The following DAAM1 variants were observed in gnomAD, a reference collection of about 807,000 sequenced individuals.
DAAM1 encodes the protein dishevelled associated activator of morphogenesis 1.
A neutral mutation model predicts 130.0 loss-of-function variants in DAAM1; 52 were observed. That is an observed-to-expected ratio of 0.40 (90% CI 0.32 to 0.50). The LOEUF (loss-of-function observed/expected upper bound fraction) is 0.50, where lower values mean the gene tolerates loss of function less well. Ranked by LOEUF, DAAM1 falls within the 20% of genes least tolerant of loss-of-function variation. The pLI is 0.61. For synonymous variants in DAAM1, 452 were observed against 444.5 expected (o/e 1.02, Z -0.21); for missense variants, 1,134 against 1,303.8 (o/e 0.87, Z 2.01).
chr14:59,257,721 C>T (rs1881970661), intron 1 of DAAM1, among the ~76,000 whole-genome samples: 1 of 152,164 alleles, frequency 6.6e-6, no homozygotes, highest in Admixed American at 6.5e-5. Context: ...ACCCTGCCAT[C>T]TTCAGCCTCT....
chr14:59,277,890 T>G (rs1220587789), intron 2 of DAAM1, among the ~76,000 whole-genome samples: 2 of 152,162 alleles, frequency 1.3e-5, no homozygotes, highest in Non-Finnish European at 2.9e-5. Flanking sequence ...AGTCCTCCCT[T>G]ACCAGCAGGG....
chr14:59,209,531 C>T (rs993088777), intron 1 of DAAM1, among the ~76,000 whole-genome samples: 1 of 152,146 alleles, frequency 6.6e-6, no homozygotes, highest in African/African-American at 2.4e-5. Flanking sequence ...ACTTTGAATA[C>T]CCATACAACC....
intron 3 of DAAM1, among the ~76,000 whole-genome samples, chr14:59,308,359 G>C (rs1253498403): frequency 6.6e-6 from 1 of 152,118 alleles, no homozygotes; most frequent in Non-Finnish European, 1.5e-5. Flanking sequence ...GATTTGGGGA[G>C]GATATAATCA....
chr14:59,325,571 G>A, intron 8 of DAAM1, 93 bp from the exon 9 acceptor site: 4 of 1,099,344 alleles, frequency 3.6e-6, no homozygotes, highest in Non-Finnish European at 5.3e-6. Flanking sequence ...TCTCTGAAAA[G>A]TCAGGAAAAA....
intron 3 of DAAM1, among the ~76,000 whole-genome samples, chr14:59,296,175 A>G (rs2139573914): frequency 6.6e-6 from 1 of 152,354 alleles, no homozygotes; most frequent in South Asian, 2.1e-4. Context: ...TAAAGGCTAT[A>G]TAAGGGAAGC....
intron 12 of DAAM1, among the ~76,000 whole-genome samples, chr14:59,330,197 A>G (rs948261278): frequency 1.3e-5 from 2 of 152,198 alleles, no homozygotes; most frequent in African/African-American, 4.8e-5. Context: ...CAACTACCAA[A>G]CAGTTACCAT....
At chr14:59,326,785 T>C in intron 11 of DAAM1, 137 bp downstream of exon 11, 3 of 1,495,690 alleles carry the variant, frequency 2.0e-6, no homozygotes. Context: ...ACATGCACTA[T>C]AGCTAAGTAA....
intron 2 of DAAM1, among the ~76,000 whole-genome samples, chr14:59,285,002 T>C (rs1883379307): frequency 6.6e-6 from 1 of 152,012 alleles, no homozygotes; most frequent in South Asian, 2.1e-4. Context: ...CTAAGACACA[T>C]AGTCATCAGA....
Position 59,278,372 on chromosome 14 carries a change from C to T in DAAM1, c.184-12845C>T, listed in dbSNP as rs78622893. On this transcript the variant is annotated intron_variant, in intron 2 of 24. Transcript: ENST00000360909. The stretch of plus-strand genomic sequence containing the variant: ...AAGGAATGTATACAGCCTGAATATG[C>T]TGGACAAAGGGTGATTCATGGCCTG... Among the ~76,000 whole-genome samples, 191 of 152,226 alleles carry T rather than the reference C, an allele frequency of 1.3e-3. 1 individual carries two copies. In the East Asian group the frequency reaches 0.024, roughly 19 times the overall value.
At chr14:59,234,067 T>C (rs1336198500) in intron 1 of DAAM1, among the ~76,000 whole-genome samples, 1 of 152,218 alleles carries the variant, frequency 6.6e-6, no homozygotes, top group Non-Finnish European at 1.5e-5. Context: ...GGTAGCATGA[T>C]GCCTCCAGCT....
At chr14:59,230,665 C>T (rs993486539) in intron 1 of DAAM1, among the ~76,000 whole-genome samples, 1 of 150,118 alleles carries the variant, frequency 6.7e-6, no homozygotes, top group Non-Finnish European at 1.5e-5. Context: ...TGAATGAGAC[C>T]TACTATTTGA....
chr14:59,336,784 T>C (rs986514024), intron 15 of DAAM1, among the ~76,000 whole-genome samples: 26 of 152,144 alleles, frequency 1.7e-4, no homozygotes, highest in African/African-American at 6.3e-4. Context: ...GATCATCAGG[T>C]TGAAAGATGA....
chr14:59,297,140 C>T (rs1055959963), intron 3 of DAAM1, among the ~76,000 whole-genome samples: 1 of 152,188 alleles, frequency 6.6e-6, no homozygotes, highest in Non-Finnish European at 1.5e-5. Flanking sequence ...AAGGGCCCAC[C>T]ATTCTTCCCC....
chr14:59,323,344 C>A, intron 6 of DAAM1, 119 bp downstream of exon 6: 1 of 1,083,184 alleles, frequency 9.2e-7, no homozygotes, highest in Non-Finnish European at 1.3e-6. Context: ...TGATTACTCA[C>A]AGTGTGACTT....
chr14:59,225,586 A>G (rs1483711816), intron 1 of DAAM1, among the ~76,000 whole-genome samples: 1 of 152,150 alleles, frequency 6.6e-6, no homozygotes, highest in Non-Finnish European at 1.5e-5. Flanking sequence ...TTCTTCCATT[A>G]GCTGGTGAGG....
At chr14:59,285,169 A>C (rs1883386376) in intron 2 of DAAM1, among the ~76,000 whole-genome samples, 1 of 152,206 alleles carries the variant, frequency 6.6e-6, no homozygotes, top group Non-Finnish European at 1.5e-5. Context: ...ATCCTTAAAG[A>C]AAAGAAATTC....
intron 1 of DAAM1, among the ~76,000 whole-genome samples, chr14:59,242,899 C>T (rs913881911): frequency 6.6e-6 from 1 of 152,084 alleles, no homozygotes; most frequent in Non-Finnish European, 1.5e-5. Context: ...GAAAATTGGG[C>T]TGCCAGAATA....
In DAAM1 at chr14:59,320,574, A is replaced by G. The variant is rs781146982; in HGVS notation, c.430A>G (p.Lys144Glu). Residue 144 changes from lysine to glutamate, a missense_variant, in exon 5 of 25, where the codon AAA becomes GAA. Coordinates refer to ENST00000360909, the MANE Select transcript of DAAM1 (RefSeq NM_001270520.2). ...IESLKTALRT[K>E]PMRFVTRFID... ...GAGTTTAAAGACAGCACTGAGGACA[A>G]AACCAATGAGGTAATTTTCCCCTGG... 6.4e-7 allele frequency: 1 copy of G among 1,564,324 alleles called. No homozygotes were observed. The highest frequency in any genetic ancestry group is 2.1e-5 in the Admixed American group (1 of 47,750).
chr14:59,204,458 C>A (rs887747267), intron 1 of DAAM1, among the ~76,000 whole-genome samples: 2 of 152,104 alleles, frequency 1.3e-5, no homozygotes, highest in Non-Finnish European at 2.9e-5. Context: ...GATTTTTTTC[C>A]CTGCAATCAG....
Sources: gnomAD v4.1 joint callset for allele counts (sites outside exome capture counted in the v4.1 genomes callset) on GRCh38, gnomAD v4.1.1 for gene constraint, MANE v1.5 for transcripts, NCBI Gene and HGNC (gene_info 2026-07-23, HGNC 2026-07-21) for gene names.